The following ARHGEF10L variants were observed in gnomAD, a reference collection of about 807,000 sequenced individuals.
The protein encoded by ARHGEF10L is rho guanine nucleotide exchange factor 10-like protein.
In ARHGEF10L, 69 loss-of-function variants were observed where a neutral mutation model predicts 141.2. That is an observed-to-expected ratio of 0.49 (90% CI 0.40 to 0.60). ARHGEF10L has a LOEUF of 0.60. Among genes scored for constraint, ARHGEF10L ranks in the 20% least tolerant of loss-of-function variants. The probability of loss-of-function intolerance (pLI) is 0.00; values close to 1 mark genes in which losing one functional copy is unlikely to be tolerated. For synonymous variants in ARHGEF10L, 711 were observed against 718.5 expected (o/e 0.99, Z 0.17); for missense variants, 1,482 against 1,734.3 (o/e 0.85, Z 2.58).
intron 2 of ARHGEF10L, among the ~76,000 whole-genome samples, chr1:17,584,429 G>A (rs113686904): frequency 0.012 from 1,850 of 152,196 alleles, 37 homozygotes; most frequent in African/African-American, 0.042. Flanking sequence ...TATGCTGGAC[G>A]TTACACTAGA....
In ARHGEF10L at chr1:17,627,203, C is replaced by A; in HGVS notation, c.1411-127C>A. On this transcript the variant is annotated intron_variant, in intron 14 of 28. Coordinates refer to ENST00000361221, the MANE Select transcript of ARHGEF10L (RefSeq NM_018125.4). The surrounding 1 kb of genome is among the most constrained non-coding windows in gnomAD (Gnocchi z 4.0). ...TTGTTCTGCATCTGGTGCCATCTGT[C>A]CTGGCCTCAGGCCGGGCCCTTTGCA... 1 of 1,110,516 alleles carries A rather than the reference C, an allele frequency of 9.0e-7. No individual in the cohort carries two copies. Among genetic ancestry groups the A allele is most frequent in the Non-Finnish European group, 1.3e-6 (1 of 766,972 alleles). 68.8% of individuals were successfully genotyped at this position (1,110,516 alleles called of 1,614,324 possible).
At chr1:17,638,822 GTGGGCCATGTC>G in intron 20 of ARHGEF10L, 133 bp downstream of exon 20, 1 of 1,329,692 alleles carries the variant, frequency 7.5e-7, no homozygotes, top group South Asian at 1.5e-5. Flanking sequence ...TGTAGGCATC[GTGGGCCATGTC>G]TGGGATAGCA....
the ARHGEF10L span, among the ~76,000 whole-genome samples, chr1:17,528,841 T>C: frequency 6.7e-3 from 1,017 of 152,298 alleles, 47 homozygotes; most frequent in East Asian, 0.13. Flanking sequence ...TTGCATGGGA[T>C]GGTTCCAGTA....
intron 7 of ARHGEF10L, among the ~76,000 whole-genome samples, chr1:17,610,330 C>A (rs915368143): frequency 3.3e-5 from 5 of 152,204 alleles, no homozygotes; most frequent in African/African-American, 9.6e-5. Flanking sequence ...CATGGCCTGG[C>A]CCTGGGACCT....
At position 17,619,117 on chromosome 1, in the gene ARHGEF10L, G is replaced by C. The variant is rs2059968545; in HGVS notation, c.836-222G>C. Among the ~76,000 whole-genome samples the C allele has an allele frequency of 2.0e-5, 3 of 152,066 alleles. No individual in the cohort carries two copies. Among genetic ancestry groups the C allele is most frequent in the Admixed American group, 6.5e-5 (1 of 15,272 alleles). On this transcript the variant is annotated intron_variant, in intron 9 of 28. Coordinates refer to ENST00000361221, the MANE Select transcript of ARHGEF10L (RefSeq NM_018125.4). This position sits in a 1 kb window ranked among gnomAD's most constrained non-coding sequence, Gnocchi z 5.0. The stretch of plus-strand genomic sequence containing the variant: ...TGCCTGTTCACCCTCTCGCTCACTT[G>C]CTCACAATTATTCACTGATGGAATG...
intron 26 of ARHGEF10L, among the ~76,000 whole-genome samples, chr1:17,675,219 A>G (rs151092956): frequency 4.6e-4 from 70 of 152,284 alleles, no homozygotes; most frequent in Middle Eastern, 3.4e-3. Flanking sequence ...GTGGATTTAC[A>G]TGTGGAAACA....
chr1:17,675,128 C>T (rs746342765), intron 26 of ARHGEF10L, among the ~76,000 whole-genome samples: 6 of 152,206 alleles, frequency 3.9e-5, no homozygotes, highest in Non-Finnish European at 5.9e-5. Context: ...CCAGCCCTAC[C>T]TGTTCTGGGT....
chr1:17,551,143 C>G (rs1407778979), intron 1 of ARHGEF10L, among the ~76,000 whole-genome samples: 1 of 152,084 alleles, frequency 6.6e-6, no homozygotes, highest in African/African-American at 2.4e-5. Context: ...GATTCCAAAG[C>G]TTGTGGTTTT....
intron 25 of ARHGEF10L, among the ~76,000 whole-genome samples, chr1:17,659,544 A>C (rs1325241299): frequency 6.6e-6 from 1 of 152,182 alleles, no homozygotes; most frequent in Non-Finnish European, 1.5e-5. Context: ...CCATCCCAGC[A>C]GCAGAGCCAG....
At chr1:17,525,916 C>T in the ARHGEF10L span, among the ~76,000 whole-genome samples, 1 of 150,546 alleles carries the variant, frequency 6.6e-6, no homozygotes, top group Non-Finnish European at 1.5e-5. Context: ...ATGGAAGAAT[C>T]GCTTGAATCC....
At chr1:17,658,519 T>A (rs998422508) in intron 25 of ARHGEF10L, among the ~76,000 whole-genome samples, 1 of 152,106 alleles carries the variant, frequency 6.6e-6, no homozygotes. Context: ...TCTCTGCAGA[T>A]GTGAGGGGGC....
chr1:17,694,732 C>G (rs1471926652), intron 27 of ARHGEF10L: 1 of 358,962 alleles, frequency 2.8e-6, no homozygotes, highest in African/African-American at 2.1e-5. Flanking sequence ...CCATCTGCAC[C>G]AACACCGATG....
intron 6 of ARHGEF10L, among the ~76,000 whole-genome samples, chr1:17,606,248 G>GT (rs2081159800): frequency 6.6e-6 from 1 of 152,032 alleles, no homozygotes; most frequent in African/African-American, 2.4e-5. Context: ...AAAGCTCGCA[G>GT]TTTTTCAGCA....
chr1:17,599,419 A>G (rs975781352), intron 4 of ARHGEF10L, among the ~76,000 whole-genome samples: 1 of 152,034 alleles, frequency 6.6e-6, no homozygotes, highest in Non-Finnish European at 1.5e-5. Flanking sequence ...TGTCACGGTC[A>G]CTGTCATGGC....
Position 17,607,690 on chromosome 1 carries a change from T to C in ARHGEF10L, c.434-112T>C. On this transcript the variant is annotated intron_variant, in intron 6 of 28. Transcript: ENST00000361221. The surrounding 1 kb of genome is among the most constrained non-coding windows in gnomAD (Gnocchi z 4.5). ...GAGCTGGAGCCCCAGGGCCCCCATG[T>C]TCTCCCTGACCCCCCCTCGCCCCAC... 3 of 1,135,354 alleles carry C rather than the reference T, an allele frequency of 2.6e-6. No homozygotes were observed. The highest frequency in any genetic ancestry group is 3.5e-6 in the Non-Finnish European group (3 of 853,856). The allele number at this position is 1,135,354 out of a possible 1,614,324, so 70.3% of individuals were successfully genotyped here.
Position 17,573,053 on chromosome 1 carries a change from G to A in ARHGEF10L, c.-43-7500G>A, listed in dbSNP as rs2100383961. Among the ~76,000 whole-genome samples the A allele has an allele frequency of 6.6e-6, 1 of 152,276 alleles. No homozygotes were observed. Among genetic ancestry groups the A allele is most frequent in the East Asian group, 1.9e-4 (1 of 5,172 alleles). ...CCTCCGTGAGCTCCAGCTCTTTCCT[G>A]CCATTCTTCCGTCTGTACACCTGCT... On this transcript the variant is annotated intron_variant, in intron 1 of 28. Transcript: ENST00000361221. This position sits in a 1 kb window ranked among gnomAD's most constrained non-coding sequence, Gnocchi z 4.8.
chr1:17,544,493 C>T (rs1381405273), intron 1 of ARHGEF10L, among the ~76,000 whole-genome samples: 2 of 151,962 alleles, frequency 1.3e-5, no homozygotes, highest in South Asian at 2.1e-4. Context: ...CGGGGTTTCA[C>T]CATGTGGGCC....
At chr1:17,530,232 G>A in the ARHGEF10L span, among the ~76,000 whole-genome samples, 1 of 152,068 alleles carries the variant, frequency 6.6e-6, no homozygotes, top group South Asian at 2.1e-4. Context: ...AGTCTCTATT[G>A]GGATGGTTTG....
rs2065553590 is a variant in ARHGEF10L, at chr1:17,697,004, C to A, written c.3464C>A (p.Pro1155His). 5 of 1,610,146 alleles carry A rather than the reference C, an allele frequency of 3.1e-6. No homozygotes were observed. In the African/African-American group the frequency reaches 5.3e-5, roughly 17 times the overall value. The part of the protein sequence containing the change: ...EDKPDGQAHE[P>H]MPDSHVGREL... ...AAGCCAGACGGGCAGGCACACGAGCCCATGCCCGATAGCCACGTGGGCCGA... is the reference window on the plus strand; with the variant it reads ...AAGCCAGACGGGCAGGCACACGAGCACATGCCCGATAGCCACGTGGGCCGA... The change falls in exon 29 of 29, where the codon CCC becomes CAC. Residue 1155 changes from proline (P) to histidine (H), a missense_variant. Pro to His is a moderately conservative substitution (Grantham distance 77, BLOSUM62 -2). Transcript: ENST00000361221. This position sits in a 1 kb window ranked among gnomAD's most constrained non-coding sequence, Gnocchi z 4.8.
Sources: gnomAD v4.1 joint callset for allele counts (sites outside exome capture counted in the v4.1 genomes callset) on GRCh38, gnomAD v4.1.1 for gene constraint, Gnocchi (gnomAD v3.1) non-coding constraint, MANE v1.5 for transcripts, NCBI Gene and HGNC (gene_info 2026-07-23, HGNC 2026-07-21) for gene names.